ROBO2: variants seen among roughly 807,000 people sequenced by gnomAD.
ROBO2 encodes the protein roundabout guidance receptor 2.
In ROBO2, 53 loss-of-function variants were observed where a neutral mutation model predicts 160.8. The ratio of observed to expected loss-of-function variants is 0.33; its 90% CI spans 0.26 to 0.41. The LOEUF is 0.41. Among genes scored for constraint, ROBO2 ranks in the 10% least tolerant of loss-of-function variants. ROBO2 has a pLI of 1.00. For synonymous variants in ROBO2, 664 were observed against 611.7 expected (o/e 1.09, Z -1.26); for missense variants, 1,577 against 1,722.4 (o/e 0.92, Z 1.49).
intron 2 of ROBO2, among the ~76,000 whole-genome samples, chr3:76,551,322 A>T (rs1233325271): frequency 6.6e-6 from 1 of 152,078 alleles, no homozygotes; most frequent in African/African-American, 2.4e-5. Flanking sequence ...CTGAGAGCTG[A>T]ATACCCATCA....
intron 2 of ROBO2, among the ~76,000 whole-genome samples, chr3:77,285,809 A>C (rs2060549399): frequency 6.6e-6 from 1 of 152,212 alleles, no homozygotes; most frequent in Non-Finnish European, 1.5e-5. Context: ...CAAACAAAAA[A>C]TCCACAGGTC....
chr3:75,938,743 A>G (rs1422801625), intron 2 of ROBO2, among the ~76,000 whole-genome samples: 5 of 152,132 alleles, frequency 3.3e-5, no homozygotes, highest in Non-Finnish European at 7.4e-5. Flanking sequence ...ATTTTTCAAA[A>G]CCACAAATGC....
chr3:76,776,215 A>G (rs1318287208), intron 2 of ROBO2, among the ~76,000 whole-genome samples: 1 of 150,974 alleles, frequency 6.6e-6, no homozygotes, highest in East Asian at 2.0e-4. Context: ...ATATAGTTAA[A>G]AACTATCTTA....
At chr3:77,497,317 G>A (rs2086924819) in intron 5 of ROBO2, among the ~76,000 whole-genome samples, 1 of 152,052 alleles carries the variant, frequency 6.6e-6, no homozygotes, top group African/African-American at 2.4e-5. Context: ...GTGAGTAGGA[G>A]GAACAAGCAA....
intron 3 of ROBO2, among the ~76,000 whole-genome samples, chr3:77,478,001 A>G (rs948037704): frequency 6.6e-6 from 1 of 151,562 alleles, no homozygotes; most frequent in African/African-American, 2.4e-5. Context: ...TATTTTTTGT[A>G]TTTTTTGTAG....
At chr3:77,531,899 C>T (rs2091758409) in intron 6 of ROBO2, among the ~76,000 whole-genome samples, 1 of 152,016 alleles carries the variant, frequency 6.6e-6, no homozygotes, top group Non-Finnish European at 1.5e-5. Flanking sequence ...CTTAATGTTT[C>T]CTGCACCTGG....
intron 2 of ROBO2, among the ~76,000 whole-genome samples, chr3:77,099,422 A>G (rs1014230946): frequency 6.6e-6 from 1 of 152,186 alleles, no homozygotes; most frequent in Non-Finnish European, 1.5e-5. Flanking sequence ...CTGGAAATGT[A>G]TAACTCCAAT....
chr3:77,288,364 C>T (rs936173818), intron 2 of ROBO2, among the ~76,000 whole-genome samples: 1 of 152,170 alleles, frequency 6.6e-6, no homozygotes, highest in Non-Finnish European at 1.5e-5. Context: ...TAAGCCAGCA[C>T]ACTTAAAAGC....
chr3:76,122,995 C>T (rs1043914464), intron 2 of ROBO2, among the ~76,000 whole-genome samples: 4 of 151,876 alleles, frequency 2.6e-5, no homozygotes, highest in African/African-American at 9.7e-5. Flanking sequence ...GATCTGCCCA[C>T]CTCGGCCTCC....
Position 77,409,164 on chromosome 3 carries a change from C to T in ROBO2, c.389-68250C>T, listed in dbSNP as rs1263997494. ...TAAAATCATTTTTTTGCAGAGTAAA[C>T]CAGTAAAGATTGCAGAACAATTATA... On this transcript the variant is annotated intron_variant, in intron 2 of 25. Coordinates refer to ENST00000461745, the Ensembl canonical transcript of ROBO2. Among the ~76,000 whole-genome samples, 4 of 148,910 alleles carry T rather than the reference C, an allele frequency of 2.7e-5. No homozygotes were observed. In the South Asian group the frequency reaches 6.4e-4, roughly 24 times the overall value.
At chr3:77,362,446 G>T (rs1419353212) in intron 2 of ROBO2, among the ~76,000 whole-genome samples, 1 of 152,102 alleles carries the variant, frequency 6.6e-6, no homozygotes, top group Non-Finnish European at 1.5e-5. Flanking sequence ...ATCATCTGGG[G>T]GATGGTGGAG....
At chr3:77,113,507 T>C (rs2073890063) in intron 2 of ROBO2, among the ~76,000 whole-genome samples, 1 of 152,238 alleles carries the variant, frequency 6.6e-6, no homozygotes, top group African/African-American at 2.4e-5. Flanking sequence ...ATGTGCTTTG[T>C]CTTTTCCTTT....
At chr3:77,602,685 ACCACCGCCGCCG>A (rs1032018811) in intron 20 of ROBO2, among the ~76,000 whole-genome samples, 194 bp downstream of exon 21, 4 of 92,820 alleles carry the variant, frequency 4.3e-5, no homozygotes, top group East Asian at 6.2e-4. Flanking sequence ...CACCACCACC[ACCACCGCCGCCG>A]CCACCACCAC....
At chr3:77,100,909 G>A (rs2071825062) in intron 2 of ROBO2, among the ~76,000 whole-genome samples, 1 of 152,148 alleles carries the variant, frequency 6.6e-6, no homozygotes, top group Admixed American at 6.5e-5. Flanking sequence ...GAATGTCCCA[G>A]GTGGAAATTG....
rs189876053 is a variant in ROBO2, at chr3:77,054,925, T to C, written c.61+14079T>C. 8.8e-3 allele frequency among the ~76,000 whole-genome samples: 590 copies of C among 67,144 alleles called. 3 individuals carry two copies. Among genetic ancestry groups the C allele is most frequent in the African/African-American group, 0.025 (586 of 23,102 alleles). The allele number at this position is 67,144 out of a possible 152,430, so 44.0% of individuals were successfully genotyped here. On this transcript the variant is annotated intron_variant, in intron 1 of 25. Coordinates refer to ENST00000461745, the Ensembl canonical transcript of ROBO2. ...CGCCTGCAGTCCACAAAATCTCGCG[T>C]GTATGTGTGTGTGTGTGTGTGTGTG...
intron 2 of ROBO2, among the ~76,000 whole-genome samples, chr3:77,293,815 A>G (rs1417480119): frequency 1.4e-5 from 2 of 142,154 alleles, no homozygotes; most frequent in Non-Finnish European, 3.0e-5. Flanking sequence ...AACAGTAAAG[A>G]CATAAAGTAG....
intron 2 of ROBO2, among the ~76,000 whole-genome samples, chr3:76,046,637 GACTCCGTCTCA>G (rs2067462410): frequency 6.6e-6 from 1 of 151,904 alleles, no homozygotes; most frequent in African/African-American, 2.4e-5. Flanking sequence ...GACAGAGCCA[GACTCCGTCTCA>G]AAAAATAAAA....
intron 2 of ROBO2, among the ~76,000 whole-genome samples, chr3:76,142,756 C>T (rs2071724602): frequency 6.6e-6 from 1 of 151,734 alleles, no homozygotes; most frequent in Non-Finnish European, 1.5e-5. Context: ...GATAGGGTGA[C>T]TATAGTCAGT....
chr3:76,073,267 CTTTTTTTTTTTTTTTTTTTTTTTTTTTTT>C (rs869307615), intron 2 of ROBO2, among the ~76,000 whole-genome samples: 12 of 57,368 alleles, frequency 2.1e-4, no homozygotes, highest in Admixed American at 6.6e-4. Context: ...AATGAGTATT[CTTTTTTTTTTTTTTTTTTTTTTTTTTTTT>C]TTTTTTTTTT....
Sources: gnomAD v4.1 joint callset for allele counts (sites outside exome capture counted in the v4.1 genomes callset) on GRCh38, gnomAD v4.1.1 for gene constraint, MANE v1.5 for transcripts, NCBI Gene and HGNC (gene_info 2026-07-23, HGNC 2026-07-21) for gene names.